Variants in ARSI observed in about 807,000 individuals in gnomAD.
ARSI encodes the protein arylsulfatase family member I.
ARSI carries 37 observed loss-of-function variants against 42.1 expected under a neutral mutation model. The ratio of observed to expected loss-of-function variants is 0.88; its 90% confidence interval spans 0.68 to 1.16. ARSI has a LOEUF of 1.16. Ranked by LOEUF, ARSI falls within the 50% of genes most tolerant of loss-of-function variation. The pLI, the probability that ARSI is intolerant of heterozygous loss-of-function variation, is 0.00. For synonymous variants in ARSI, 305 were observed against 320.3 expected (o/e 0.95, Z 0.51); for missense variants, 725 against 790.1 (o/e 0.92, Z 0.99).
At chr5:150,301,092 G>A (rs1757912548) in intron 1 of ARSI, among the ~76,000 whole-genome samples, 1 of 152,114 alleles carries the variant, frequency 6.6e-6, no homozygotes, top group Non-Finnish European at 1.5e-5. Context: ...GTTGGGCACG[G>A]GCACCAAACT....
At chr5:150,300,370 G>A (rs772437334) in intron 1 of ARSI, among the ~76,000 whole-genome samples, 1 of 152,176 alleles carries the variant, frequency 6.6e-6, no homozygotes, top group Non-Finnish European at 1.5e-5. Flanking sequence ...TTTGAACCTG[G>A]GTCCACTCAA....
In ARSI at chr5:150,298,072, G is replaced by A. The variant is rs139203947; in HGVS notation, c.852C>T (p.Tyr284=). 8.4e-4 allele frequency: 1,355 copies of A among 1,613,144 alleles called. 2 individuals are homozygous for A. The highest frequency in any genetic ancestry group is 9.7e-4 in the Non-Finnish European group (1,142 of 1,180,010). Residue 284 remains tyrosine, a synonymous_variant, in exon 2 of 2, where the codon TAC becomes TAT. Coordinates refer to ENST00000328668, the MANE Select transcript of ARSI (RefSeq NM_001012301.4). Reference sequence around the variant, plus strand: ...TGATGACACTGTTGTTGTAGAAACCGTAGCGCTTGAGGGCCCAGGTGATGT... The same window carrying A: ...TGATGACACTGTTGTTGTAGAAACCATAGCGCTTGAGGGCCCAGGTGATGT... ...VRNITWALKR[Y]GFYNNSVIIF... is the part of the protein sequence containing the mutation.
At chr5:150,301,778 G>A (rs1179057082) in intron 1 of ARSI, among the ~76,000 whole-genome samples, 1 of 152,196 alleles carries the variant, frequency 6.6e-6, no homozygotes, top group Non-Finnish European at 1.5e-5. Context: ...AAATGTCAGA[G>A]GCTGCCATGT....
Position 150,297,334 on chromosome 5 carries a change from C to T in ARSI, c.1590G>A (p.Glu530=), listed in dbSNP as rs1409651847. 6.2e-7 allele frequency: 1 copy of T among 1,613,772 alleles called. No homozygotes were observed. Among genetic ancestry groups the T allele is most frequent in the South Asian group, 1.1e-5 (1 of 91,016 alleles). ...WGPWASDEEE[E]EEEGRARSFS... is the part of the protein sequence containing the mutation. ...AGCTTCGAGCCCTCCCTTCCTCTTC[C>T]TCCTCTTCCTCATCACTGGCCCAGG... The change falls in exon 2 of 2, where the codon GAG becomes GAA. Residue 530 remains glutamate, a synonymous_variant. Transcript: ENST00000328668. This position sits in a 1 kb window ranked among gnomAD's most constrained non-coding sequence, Gnocchi z 7.0.
Position 150,296,892 on chromosome 5 carries a change from G to A in ARSI, c.*322C>T, listed in dbSNP as rs560127065. 351 of 207,022 alleles carry A rather than the reference G, an allele frequency of 1.7e-3. No individual in the cohort carries two copies. Among genetic ancestry groups the A allele is most frequent in the African/African-American group, 7.7e-3 (334 of 43,490 alleles). The allele number at this position is 207,022 out of a possible 1,614,324, so 12.8% of individuals were successfully genotyped here. On this transcript the variant is annotated 3_prime_UTR_variant, in exon 2 of 2. Transcript: ENST00000328668. ...AAGGCCGGCCAGGAACTCCACCGTG[G>A]CCCCAGGCTCCAGGGCCACACCAAA... is the stretch of plus-strand genomic sequence containing the variant.
At chr5:150,300,601 T>C (rs540816655) in intron 1 of ARSI, among the ~76,000 whole-genome samples, 20 of 152,204 alleles carry the variant, frequency 1.3e-4, no homozygotes, top group African/African-American at 4.8e-4. Context: ...ACTTTGCCTC[T>C]CTCCAGTGTC....
chr5:150,299,783 G>C (rs1023575043), intron 1 of ARSI, among the ~76,000 whole-genome samples: 1 of 152,086 alleles, frequency 6.6e-6, no homozygotes, highest in Non-Finnish European at 1.5e-5. Context: ...TCTAAGACTC[G>C]TCTAGTTTCC....
intron 1 of ARSI, among the ~76,000 whole-genome samples, chr5:150,300,779 A>G (rs1757906714): frequency 6.6e-6 from 1 of 152,190 alleles, no homozygotes; most frequent in Non-Finnish European, 1.5e-5. Context: ...TCATTCCGCT[A>G]CTTAAACCAA....
chr5:150,302,520 T>G lies in ARSI; in HGVS notation c.-147A>C. 1 of 554,636 alleles carries G rather than the reference T, an allele frequency of 1.8e-6. No individual in the cohort carries two copies. Among genetic ancestry groups the G allele is most frequent in the Non-Finnish European group, 2.8e-6 (1 of 362,328 alleles). 34.4% of individuals were successfully genotyped at this position (554,636 alleles called of 1,614,324 possible). A position where few individuals can be genotyped will look rare whatever the true frequency, so the allele number is the denominator to read the frequency against. Reference sequence around the variant, plus strand: ...GACGGTCCAGTGTCTGGTCCGGGACTGGCTGCCGGACGGCTGGGCCGGATC... The same window carrying G: ...GACGGTCCAGTGTCTGGTCCGGGACGGGCTGCCGGACGGCTGGGCCGGATC... On this transcript the variant is annotated 5_prime_UTR_variant, in exon 1 of 2. Coordinates refer to ENST00000328668, the MANE Select transcript of ARSI (RefSeq NM_001012301.4). This position sits in a 1 kb window ranked among gnomAD's most constrained non-coding sequence, Gnocchi z 6.1.
chr5:150,299,993 G>A (rs1757893508), intron 1 of ARSI, among the ~76,000 whole-genome samples: 1 of 152,108 alleles, frequency 6.6e-6, no homozygotes, highest in African/African-American at 2.4e-5. Context: ...CTCAAGTCTT[G>A]AAAGTCCCAG....
rs1438834050 is a variant in ARSI, at chr5:150,297,373, C to T, written c.1551G>A (p.Gly517=). The part of the protein sequence containing the change: ...ENPRAHPDFN[G]GAWGPWASDE... ...CACTGGCCCAGGGCCCCCAAGCACC[C>T]CCATTAAAGTCAGGATGAGCCCGGG... The change falls in exon 2 of 2, where the codon GGG becomes GGA. Residue 517 remains glycine (G), a synonymous_variant. Transcript: ENST00000328668. The surrounding 1 kb of genome is among the most constrained non-coding windows in gnomAD (Gnocchi z 7.0). The T allele has an allele frequency of 3.7e-6, 6 of 1,611,544 alleles. No homozygotes were observed. The highest frequency in any genetic ancestry group is 5.1e-6 in the Non-Finnish European group (6 of 1,178,906).
chr5:150,298,440 G>C lies in ARSI; in HGVS notation c.484C>G (p.Arg162Gly). The change falls in exon 2 of 2, where the codon CGG becomes GGG. Residue 162 changes from arginine to glycine, a missense_variant. Physicochemically the swap from Arg to Gly is moderately radical, Grantham distance 125. Transcript: ENST00000328668. ...GAGCCCAGGAAGGTGTCGAAGCCCCGACGGGTGGGCAGACACTCCTTCCGG... is the reference window on the plus strand; with the variant it reads ...GAGCCCAGGAAGGTGTCGAAGCCCCCACGGGTGGGCAGACACTCCTTCCGG... Reference protein sequence around the residue: ...FYRKECLPTRRGFDTFLGSLT... With the variant: ...FYRKECLPTRGGFDTFLGSLT... 1 of 1,614,198 alleles carries C rather than the reference G, an allele frequency of 6.2e-7. No individual in the cohort carries two copies. The highest frequency in any genetic ancestry group is 8.5e-7 in the Non-Finnish European group (1 of 1,180,040).
intron 1 of ARSI, among the ~76,000 whole-genome samples, chr5:150,301,464 T>C (rs2150321765): frequency 6.6e-6 from 1 of 152,242 alleles, no homozygotes; most frequent in Middle Eastern, 3.4e-3. Flanking sequence ...CTCAGAGAAA[T>C]GAAGTAACCA....
intron 1 of ARSI, among the ~76,000 whole-genome samples, chr5:150,300,050 C>T (rs760933480): frequency 1.3e-5 from 2 of 152,208 alleles, no homozygotes; most frequent in Admixed American, 6.5e-5. Context: ...AAATCCCACA[C>T]CTTTTTCTCA....
chr5:150,297,402 T>C lies in ARSI; in HGVS notation c.1522A>G (p.Asn508Asp). 1 of 1,608,954 alleles carries C rather than the reference T, an allele frequency of 6.2e-7. No homozygotes were observed. Among genetic ancestry groups the C allele is most frequent in the Non-Finnish European group, 8.5e-7 (1 of 1,177,510 alleles). ...TAIPVRYPAENPRAHPDFNGG... is the reference protein window; with the variant it reads ...TAIPVRYPAEDPRAHPDFNGG... ...TTAAAGTCAGGATGAGCCCGGGGGT[T>C]CTCAGCTGGGTAGCGTACCGGGATG... Residue 508 changes from asparagine to aspartate, a missense_variant, in exon 2 of 2, where the codon AAC becomes GAC. Physicochemically the swap from Asn to Asp is conservative, Grantham distance 23. Coordinates refer to ENST00000328668, the MANE Select transcript of ARSI (RefSeq NM_001012301.4). This position sits in a 1 kb window ranked among gnomAD's most constrained non-coding sequence, Gnocchi z 7.0.
Position 150,296,964 on chromosome 5 carries a change from G to A in ARSI, c.*250C>T, listed in dbSNP as rs151154287. 2 of 405,830 alleles carry A rather than the reference G, an allele frequency of 4.9e-6. No homozygotes were observed. Among genetic ancestry groups the A allele is most frequent in the East Asian group, 8.1e-5 (2 of 24,740 alleles). The allele number at this position is 405,830 out of a possible 1,614,324, so 25.1% of individuals were successfully genotyped here. On this transcript the variant is annotated 3_prime_UTR_variant, in exon 2 of 2. Transcript: ENST00000328668. ...TCATTTTACAGATGAGGAAACTGAGGCTAAAAGCTCATGTGGGTCACCTGA... is the reference window on the plus strand; with the variant it reads ...TCATTTTACAGATGAGGAAACTGAGACTAAAAGCTCATGTGGGTCACCTGA...
Position 150,297,652 on chromosome 5 carries a change from C to T in ARSI, c.1272G>A (p.Trp424Ter), listed in dbSNP as rs1336939929. 2 of 1,613,062 alleles carry T rather than the reference C, an allele frequency of 1.2e-6. No individual in the cohort carries two copies. Among genetic ancestry groups the T allele is most frequent in the African/African-American group, 2.7e-5 (2 of 74,944 alleles). The change falls in exon 2 of 2, where the codon TGG becomes TGA. Residue 424 changes from tryptophan (W) to a stop codon, truncating the protein, a stop_gained. Transcript: ENST00000328668. LOFTEE classifies it high-confidence loss of function. The surrounding 1 kb of genome is among the most constrained non-coding windows in gnomAD (Gnocchi z 7.0). ...AVQAAIRVGEWKLLTGDPGYG... is the reference protein window; with the variant it reads ...AVQAAIRVGE ...AGCCGGGGTCTCCTGTCAGCAGCTT[C>T]CACTCACCCACGCGGATGGCAGCCT...
Position 150,298,628 on chromosome 5 carries a change from G to A in ARSI, c.312-16C>T. 5 of 1,586,918 alleles carry A rather than the reference G, an allele frequency of 3.2e-6. No homozygotes were observed. Among genetic ancestry groups the A allele is most frequent in the Non-Finnish European group, 4.3e-6 (5 of 1,165,110 alleles). On this transcript the variant is annotated splice_polypyrimidine_tract_variant and intron_variant, in intron 1 of 1. Transcript: ENST00000328668. The stretch of plus-strand genomic sequence containing the variant: ...GATCTGGTACCTGGTGGGGAGGAGG[G>A]GAAGGCACAGAAGGCACAGGTAAGC...
At chr5:150,300,032 G>C (rs986603759) in intron 1 of ARSI, among the ~76,000 whole-genome samples, 13 of 152,254 alleles carry the variant, frequency 8.5e-5, no homozygotes, top group African/African-American at 2.6e-4. Context: ...AACTTCACAA[G>C]TATGTTAAAA....
Sources: allele counts gnomAD v4.1 joint callset (sites outside exome capture counted in the v4.1 genomes callset), GRCh38; gene constraint gnomAD v4.1.1; non-coding constraint Gnocchi (gnomAD v3.1); transcripts MANE v1.5; gene names NCBI Gene and HGNC (gene_info 2026-07-23, HGNC 2026-07-21).